Variants in USP26 observed in about 807,000 individuals in gnomAD.
USP26 encodes ubiquitin specific peptidase 26.
For missense variants in USP26, 649 were observed against 642.3 expected (o/e 1.01, Z -0.11); for synonymous variants, 236 against 240.6 (o/e 0.98, Z 0.18).
chrX:133,043,445 T>G (rs1307307904), intron 5 of USP26, among the ~76,000 whole-genome samples: 1 of 112,632 alleles, frequency 8.9e-6, no homozygotes, highest in Non-Finnish European at 1.9e-5. Flanking sequence ...CATTACAACG[T>G]TCTTTGCTCA....
intron 5 of USP26, among the ~76,000 whole-genome samples, chrX:133,039,337 G>C (rs1203424434): frequency 8.9e-6 from 1 of 111,849 alleles, no homozygotes; most frequent in Admixed American, 9.5e-5. Flanking sequence ...TGCTTTAGCT[G>C]TGTCCCAGAG....
chrX:133,055,927 T>C (rs1200889850), intron 5 of USP26, among the ~76,000 whole-genome samples: 1 of 111,900 alleles, frequency 8.9e-6, no homozygotes, highest in Admixed American at 9.5e-5. Flanking sequence ...TATCTCCAAA[T>C]ACAGTCGTAT....
At chrX:133,090,794 T>C in intron 2 of USP26, 31 bp from the exon 3 acceptor site, 1 of 112,214 alleles carries the variant, frequency 8.9e-6, no homozygotes, top group Non-Finnish European at 1.9e-5. Flanking sequence ...GCATTTATTA[T>C]ATGGGAGCAT....
At position 133,044,408 on chromosome X, in the gene USP26, G is replaced by A. The variant is rs779241021; in HGVS notation, c.-76-16112C>T. On this transcript the variant is annotated intron_variant, in intron 5 of 5. Coordinates refer to ENST00000511190, the MANE Select transcript of USP26 (RefSeq NM_031907.3). Reference sequence around the variant, plus strand: ...GCATGGGCGGGAACCGGGGCTGCACGCAGTGCTTGCGGGCCAGCTAGAGTT... The same window carrying A: ...GCATGGGCGGGAACCGGGGCTGCACACAGTGCTTGCGGGCCAGCTAGAGTT... Among the ~76,000 whole-genome samples, 15 of 113,190 alleles carry A rather than the reference G, an allele frequency of 1.3e-4. No homozygotes were observed. The South Asian group carries it at 2.2e-3, about 16-fold the overall frequency.
At chrX:133,059,723 A>G (rs1694779559) in intron 5 of USP26, among the ~76,000 whole-genome samples, 1 of 110,784 alleles carries the variant, frequency 9.0e-6, no homozygotes, top group South Asian at 3.9e-4. Flanking sequence ...AGTGACTTCA[A>G]ACCCTCAAAG....
At chrX:133,048,712 A>G (rs1426840889) in intron 5 of USP26, among the ~76,000 whole-genome samples, 1 of 111,075 alleles carries the variant, frequency 9.0e-6, no homozygotes, top group Non-Finnish European at 1.9e-5. Context: ...ACGCCCGGCT[A>G]ATTTTTTGTA....
chrX:133,027,671 G>A lies in USP26; in HGVS notation c.550C>T (p.Leu184Phe), dbSNP rs1458634341. The A allele has an allele frequency of 1.7e-6, 2 of 1,208,584 alleles. No homozygotes were observed. Among genetic ancestry groups the A allele is most frequent in the South Asian group, 3.5e-5 (2 of 56,556 alleles). ...ENQHKKRKRM[L>F]SSSSEMNEEF... ...TCATTCATCTCTGAGCTAGATGAGA[G>A]CATTCTTTTCCTCTTCTTGTGCTGA... Residue 184 changes from leucine to phenylalanine, a missense_variant, in exon 6 of 6, where the codon CTC becomes TTC. Physicochemically the swap from Leu to Phe is conservative, Grantham distance 22. Coordinates refer to ENST00000511190, the MANE Select transcript of USP26 (RefSeq NM_031907.3).
chrX:133,033,114 C>T (rs1724350829), intron 5 of USP26, among the ~76,000 whole-genome samples: 1 of 111,209 alleles, frequency 9.0e-6, no homozygotes, highest in Admixed American at 9.6e-5. Flanking sequence ...GGAAATCCTC[C>T]CCTCCCTTTT....
At position 133,023,256 on chromosome X, in the gene USP26, A is replaced by G. The variant is rs909175108; in HGVS notation, c.*2223T>C. On this transcript the variant is annotated 3_prime_UTR_variant, in exon 6 of 6. Coordinates refer to ENST00000511190, the MANE Select transcript of USP26 (RefSeq NM_031907.3). ...CAGAATTTCTTCTCACAGGGCAACA[A>G]TGGATTGCAGCCATGATCCTCCCTG... Among the ~76,000 whole-genome samples, 1 of 111,599 alleles carries G rather than the reference A, an allele frequency of 9.0e-6. No individual in the cohort carries two copies. The highest frequency in any genetic ancestry group is 3.3e-5 in the African/African-American group (1 of 30,724).
chrX:133,049,044 T>A (rs1245486235), intron 5 of USP26, among the ~76,000 whole-genome samples: 1 of 112,143 alleles, frequency 8.9e-6, no homozygotes, highest in Admixed American at 9.5e-5. Context: ...TGCCTCCTGA[T>A]GAGAGTCAGA....
intron 5 of USP26, among the ~76,000 whole-genome samples, chrX:133,057,766 A>G (rs2067480018): frequency 1.0e-5 from 1 of 96,512 alleles, no homozygotes; most frequent in Non-Finnish European, 2.1e-5. Context: ...CTGTTTAATC[A>G]CCAAATGTTT....
At chrX:133,063,822 T>C (rs1340511438) in intron 5 of USP26, among the ~76,000 whole-genome samples, 2 of 111,695 alleles carry the variant, frequency 1.8e-5, no homozygotes, top group African/African-American at 6.5e-5. Flanking sequence ...CTCCATCAAC[T>C]AATGTGCAAA....
chrX:133,034,694 T>G (rs774312261), intron 5 of USP26, among the ~76,000 whole-genome samples: 38 of 111,318 alleles, frequency 3.4e-4, no homozygotes, highest in Non-Finnish European at 6.2e-4. Flanking sequence ...ATGTGAAGAA[T>G]ATAGTTATCA....
At chrX:133,046,494 G>C (rs980151332) in intron 5 of USP26, among the ~76,000 whole-genome samples, 4 of 111,541 alleles carry the variant, frequency 3.6e-5, no homozygotes, top group African/African-American at 9.8e-5. Flanking sequence ...ATATCCTTAA[G>C]ATTGGATTCC....
At chrX:133,095,949 T>C (rs1289046533) in intron 1 of USP26, among the ~76,000 whole-genome samples, 1 of 110,041 alleles carries the variant, frequency 9.1e-6, no homozygotes, top group Non-Finnish European at 1.9e-5. Context: ...TTCACCGTGT[T>C]GACCAGGCTA....
At chrX:133,052,239 T>TA (rs1178154644) in intron 5 of USP26, among the ~76,000 whole-genome samples, 1 of 111,963 alleles carries the variant, frequency 8.9e-6, no homozygotes, top group Admixed American at 9.5e-5. Flanking sequence ...AAAATTGACT[T>TA]ACGATAGTGG....
At chrX:133,063,200 A>G (rs1206491611) in intron 5 of USP26, among the ~76,000 whole-genome samples, 1 of 111,353 alleles carries the variant, frequency 9.0e-6, no homozygotes, top group Non-Finnish European at 1.9e-5. Context: ...AAGGGAATGA[A>G]CAAAGCCTCC....
chrX:133,089,979 C>T (rs1425010410), intron 4 of USP26, 134 bp downstream of exon 4: 1 of 112,127 alleles, frequency 8.9e-6, no homozygotes, highest in African/African-American at 3.2e-5. Context: ...AAAAAATTAG[C>T]TGAGTGTGGT....
intron 5 of USP26, among the ~76,000 whole-genome samples, chrX:133,052,840 G>A (rs2067463868): frequency 1.8e-5 from 2 of 111,633 alleles, no homozygotes; most frequent in Admixed American, 1.9e-4. Context: ...CTTCCAGTTT[G>A]AAGGTCTCTC....
Sources: gnomAD v4.1 joint callset for allele counts (sites outside exome capture counted in the v4.1 genomes callset) on GRCh38, gnomAD v4.1.1 for gene constraint, MANE v1.5 for transcripts, NCBI Gene and HGNC (gene_info 2026-07-23, HGNC 2026-07-21) for gene names.